PFDN1: variants seen among roughly 807,000 people sequenced by gnomAD.
The protein encoded by PFDN1 is prefoldin subunit 1.
PFDN1 carries 6 observed loss-of-function variants against 17.3 expected under a neutral mutation model. The ratio of observed to expected loss-of-function variants is 0.35; its 90% CI spans 0.19 to 0.69. The LOEUF is 0.69. PFDN1 is among the 30% of genes least tolerant of loss of function. The pLI is 0.65. For missense variants in PFDN1, 113 were observed against 146.2 expected (o/e 0.77, Z 1.17); for synonymous variants, 58 against 50.1 (o/e 1.16, Z -0.67).
At chr5:140,252,456 CTT>C (rs931454841) in intron 3 of PFDN1, among the ~76,000 whole-genome samples, 2 of 152,174 alleles carry the variant, frequency 1.3e-5, no homozygotes, top group African/African-American at 4.8e-5. Context: ...ATACTTCTCT[CTT>C]GTGTAAAATC....
chr5:140,284,752 T>C (rs1461834423), intron 2 of PFDN1, among the ~76,000 whole-genome samples: 1 of 152,236 alleles, frequency 6.6e-6, no homozygotes, highest in Non-Finnish European at 1.5e-5. Flanking sequence ...CTCAGGATTA[T>C]ATAACCTGAA....
chr5:140,302,348 C>T (rs1412686303), intron 1 of PFDN1, among the ~76,000 whole-genome samples: 1 of 152,218 alleles, frequency 6.6e-6, no homozygotes, highest in Non-Finnish European at 1.5e-5. Flanking sequence ...TAGCAAAAAT[C>T]TGAATAACAA....
At chr5:140,256,234 GC>G (rs1446830122) in intron 3 of PFDN1, among the ~76,000 whole-genome samples, 1 of 151,982 alleles carries the variant, frequency 6.6e-6, no homozygotes, top group Non-Finnish European at 1.5e-5. Context: ...TCTCATCTCG[GC>G]CAGGTGTGGT....
In PFDN1 at chr5:140,289,229, T is replaced by G. The variant is rs1020503429; in HGVS notation, c.201-7696A>C. ...TGAGCCCAGGAGGTCAAGGGTGCAG[T>G]AAGCCACAATCACACTACTGCATTT... On this transcript the variant is annotated intron_variant, in intron 2 of 3. Transcript: ENST00000261813. 2.7e-5 allele frequency among the ~76,000 whole-genome samples: 4 copies of G among 147,530 alleles called. No homozygotes were observed. The Admixed American group carries it at 2.7e-4, about 10-fold the overall frequency.
intron 3 of PFDN1, among the ~76,000 whole-genome samples, chr5:140,265,115 T>C (rs1765117671): frequency 6.6e-6 from 1 of 152,108 alleles, no homozygotes; most frequent in Non-Finnish European, 1.5e-5. Context: ...GGGCATCCCC[T>C]CCCTGCAGTG....
intron 2 of PFDN1, among the ~76,000 whole-genome samples, chr5:140,296,843 T>C (rs923558512): frequency 1.3e-5 from 2 of 152,144 alleles, no homozygotes; most frequent in African/African-American, 4.8e-5. Flanking sequence ...GTCCATGAGA[T>C]GAAATATACA....
chr5:140,279,805 G>A (rs1409981717), intron 3 of PFDN1, among the ~76,000 whole-genome samples: 1 of 151,748 alleles, frequency 6.6e-6, no homozygotes, highest in Non-Finnish European at 1.5e-5. Context: ...AGACCAGCCT[G>A]ACCAACAAGG....
At chr5:140,286,047 A>AT (rs907764512) in intron 2 of PFDN1, among the ~76,000 whole-genome samples, 9 of 151,942 alleles carry the variant, frequency 5.9e-5, no homozygotes, top group African/African-American at 9.7e-5. Context: ...AAAAAAAAAT[A>AT]TTTTTTTTAT....
intron 3 of PFDN1, among the ~76,000 whole-genome samples, chr5:140,267,494 G>C (rs1229126324): frequency 6.6e-6 from 1 of 152,182 alleles, no homozygotes; most frequent in Non-Finnish European, 1.5e-5. Flanking sequence ...GAGCCCTGTG[G>C]GGTTTGAGAA....
chr5:140,270,472 TAATTGGAATGCA>T lies in PFDN1; in HGVS notation c.285+10965_285+10976del, dbSNP rs1216594679. ...AGATGCAAAAAGCTGAACTCTGGGCTAATTGGAATGCAAATCCAATTATCTTAAGTCTCTTAT... is the reference window on the plus strand; with the variant it reads ...AGATGCAAAAAGCTGAACTCTGGGCTAATCCAATTATCTTAAGTCTCTTAT... On this transcript the variant is annotated intron_variant, in intron 3 of 3. Coordinates refer to ENST00000261813, the MANE Select transcript of PFDN1 (RefSeq NM_002622.5). 3.3e-5 allele frequency among the ~76,000 whole-genome samples: 5 copies of T among 152,208 alleles called. No homozygotes were observed. The East Asian group carries it at 9.6e-4, about 29-fold the overall frequency.
chr5:140,291,316 T>G (rs959637228), intron 2 of PFDN1, among the ~76,000 whole-genome samples: 1 of 152,070 alleles, frequency 6.6e-6, no homozygotes, highest in Non-Finnish European at 1.5e-5. Flanking sequence ...CTGAACAAAA[T>G]TTAAAGATAG....
intron 3 of PFDN1, among the ~76,000 whole-genome samples, chr5:140,249,005 TAAAAG>T (rs1352453141): frequency 6.6e-6 from 1 of 152,192 alleles, no homozygotes; most frequent in Non-Finnish European, 1.5e-5. Context: ...AGACATTTCT[TAAAAG>T]AAAAAATTCC....
chr5:140,263,066 T>C (rs1334581855), intron 3 of PFDN1, among the ~76,000 whole-genome samples: 1 of 152,240 alleles, frequency 6.6e-6, no homozygotes, highest in East Asian at 1.9e-4. Context: ...GCAGGTACTT[T>C]TCATAAGGGA....
At chr5:140,270,503 C>G (rs570341126) in intron 3 of PFDN1, among the ~76,000 whole-genome samples, 2 of 152,210 alleles carry the variant, frequency 1.3e-5, no homozygotes, top group South Asian at 2.1e-4. Context: ...TATCTTAAGT[C>G]TCTTATCTTA....
chr5:140,292,272 A>G (rs1001486474), intron 2 of PFDN1, among the ~76,000 whole-genome samples: 5 of 152,220 alleles, frequency 3.3e-5, no homozygotes, highest in Admixed American at 6.5e-5. Flanking sequence ...AATAGATAAA[A>G]TATTTTAAAA....
intron 3 of PFDN1, among the ~76,000 whole-genome samples, chr5:140,275,366 G>A (rs6896007): frequency 0.47 from 70,566 of 149,768 alleles, 16,807 homozygotes; most frequent in South Asian, 0.71. Context: ...CCGAGATTGC[G>A]CCACTGCACT....
chr5:140,300,968 T>G (rs1027116162), intron 1 of PFDN1, among the ~76,000 whole-genome samples: 1 of 152,236 alleles, frequency 6.6e-6, no homozygotes, highest in African/African-American at 2.4e-5. Context: ...TTTCTCACAT[T>G]AGTTTGAAAT....
At chr5:140,280,944 G>C (rs1346066963) in intron 3 of PFDN1, 1 of 151,942 alleles carries the variant, frequency 6.6e-6, no homozygotes, top group Non-Finnish European at 1.5e-5. Flanking sequence ...GTTCTCATTG[G>C]AGCACCATCC....
intron 2 of PFDN1, among the ~76,000 whole-genome samples, chr5:140,287,058 T>C (rs894684556): frequency 6.6e-6 from 1 of 152,238 alleles, no homozygotes; most frequent in Non-Finnish European, 1.5e-5. Context: ...ATTATAAATA[T>C]GTGTGTATGT....
Sources: gnomAD v4.1 joint callset for allele counts (sites outside exome capture counted in the v4.1 genomes callset) on GRCh38, gnomAD v4.1.1 for gene constraint, MANE v1.5 for transcripts, NCBI Gene and HGNC (gene_info 2026-07-23, HGNC 2026-07-21) for gene names.